The following SYNE1 variants were observed in gnomAD, a reference collection of about 807,000 sequenced individuals.
SYNE1 encodes nesprin-1.
SYNE1 carries 616 observed loss-of-function variants against 1,111.0 expected under a neutral mutation model. The observed-to-expected ratio is 0.55, with a 90% CI of 0.52 to 0.59. SYNE1 has a LOEUF of 0.59. SYNE1 is among the 20% of genes least tolerant of loss of function. The probability of loss-of-function intolerance (pLI) is 0.00; values close to 1 mark genes in which losing one functional copy is unlikely to be tolerated. For missense variants in SYNE1, 10,006 were observed against 10,417.0 expected, an observed-to-expected ratio of 0.96 and a Z score of 1.72; for synonymous variants, 3,855 against 3,825.8, an observed-to-expected ratio of 1.01 and a Z score of -0.28.
intron 98 of SYNE1, 60 bp downstream of exon 98, chr6:152,278,025 CTTAG>C: frequency 6.3e-7 from 1 of 1,586,446 alleles, no homozygotes; most frequent in Admixed American, 1.7e-5. Context: ...CCTGGCAAAC[CTTAG>C]AAGGAGCACG....
rs148598904 is a variant in SYNE1 at position 152,159,225 on chromosome 6, T to C, written c.23791-3128A>G. Among the ~76,000 whole-genome samples, 12 of 152,340 alleles carry C rather than the reference T, an allele frequency of 7.9e-5. 1 individual carries two copies. The East Asian group carries it at 2.3e-3, about 29-fold the overall frequency. ...TAAAATGTATCAAGCCCTGACTTTG[T>C]GTTAGGTAGGCACTGTGCTCAGTGC... On this transcript the variant is annotated intron_variant, in intron 131 of 145. Coordinates refer to ENST00000367255, the MANE Select transcript of SYNE1 (RefSeq NM_182961.4).
In SYNE1 at chr6:152,314,473, G is replaced by A. The variant is rs142821953; in HGVS notation, c.16710+2376C>T. Among the ~76,000 whole-genome samples, 723 of 152,180 alleles carry A rather than the reference G, an allele frequency of 4.8e-3. 5 individuals carry two copies. Among genetic ancestry groups the A allele is most frequent in the South Asian group, 6.6e-3 (32 of 4,820 alleles). ...CTTTCCTCTTAAACCCCTGGTGGGCGGTTGGGTTGAGCACACTCCTGTGGG... is the reference window on the plus strand; with the variant it reads ...CTTTCCTCTTAAACCCCTGGTGGGCAGTTGGGTTGAGCACACTCCTGTGGG... On this transcript the variant is annotated intron_variant, in intron 87 of 145. Transcript: ENST00000367255.
At chr6:152,467,972 C>T (rs1403944895) in intron 16 of SYNE1, among the ~76,000 whole-genome samples, 4 of 152,026 alleles carry the variant, frequency 2.6e-5, no homozygotes, top group African/African-American at 7.2e-5. Flanking sequence ...AATACAAATG[C>T]ATGTTTAAAA....
chr6:152,600,936 GAACA>G (rs1427065883), intron 3 of SYNE1, among the ~76,000 whole-genome samples: 2 of 152,198 alleles, frequency 1.3e-5, no homozygotes, highest in African/African-American at 2.4e-5. Flanking sequence ...GTGAAGGTCT[GAACA>G]AACAGTTTCA....
chr6:152,464,508 A>C (rs1338674518), intron 18 of SYNE1, among the ~76,000 whole-genome samples: 1 of 152,194 alleles, frequency 6.6e-6, no homozygotes, highest in Non-Finnish European at 1.5e-5. Context: ...TCTACATGAA[A>C]TATGGAATGG....
chr6:152,350,413 A>G, intron 71 of SYNE1, 78 bp from the exon 72 acceptor site: 11 of 1,595,236 alleles, frequency 6.9e-6, no homozygotes, highest in Non-Finnish European at 9.4e-6. Context: ...ACAAAAACCC[A>G]GTGCAACTCA....
In SYNE1 at chr6:152,189,379, G is replaced by A. The variant is rs1433789257; in HGVS notation, c.23174C>T (p.Thr7725Ile). The A allele has an allele frequency of 3.1e-6, 5 of 1,614,086 alleles. No homozygotes were observed. The highest frequency in any genetic ancestry group is 1.1e-5 in the South Asian group (1 of 91,082). ...KELENAVGSW[T>I]DDLTQLSLLK... The stretch of plus-strand genomic sequence containing the variant: ...CAGGCTCAACTGGGTCAAGTCATCT[G>A]TCCAGCTCCCAACTGCATTTTCTAA... The change falls in exon 128 of 146, where the codon ACA becomes ATA. Residue 7725 changes from threonine to isoleucine, a missense_variant. Around this residue, in one of 7 missense-constraint regions of SYNE1, gnomAD observed 2,182 missense variants for 2,287.8 expected, o/e 0.95. Coordinates refer to ENST00000367255, the MANE Select transcript of SYNE1 (RefSeq NM_182961.4).
intron 55 of SYNE1, among the ~76,000 whole-genome samples, chr6:152,384,204 G>A (rs1351685124): frequency 2.6e-5 from 4 of 152,152 alleles, no homozygotes; most frequent in Admixed American, 1.3e-4. Flanking sequence ...TGACAGACAC[G>A]GCTAGAAAGC....
chr6:152,255,776 C>A, intron 102 of SYNE1, 30 bp from the exon 103 acceptor site: 1 of 1,613,550 alleles, frequency 6.2e-7, no homozygotes, highest in South Asian at 1.1e-5. Context: ...GTCAAATAAT[C>A]AATTTCAGTG....
intron 3 of SYNE1, 124 bp downstream of exon 3, chr6:152,628,141 A>T (rs904803165): frequency 4.2e-5 from 43 of 1,025,354 alleles, no homozygotes; most frequent in Non-Finnish European, 6.3e-5. Flanking sequence ...CACTGGAATA[A>T]AGACATCCAT....
At position 152,526,188 on chromosome 6, in the gene SYNE1, A is replaced by G. The variant is rs2099162697; in HGVS notation, c.130-13T>C. 2 of 1,611,694 alleles carry G rather than the reference A, an allele frequency of 1.2e-6. No individual in the cohort carries two copies. Among genetic ancestry groups the G allele is most frequent in the Non-Finnish European group, 1.7e-6 (2 of 1,178,040 alleles). ...TTGGAGGTTTCCGCTGTAAAAGCAA[A>G]GAGGAATAAGTGCAGAAAATATCTC... On this transcript the variant is annotated splice_polypyrimidine_tract_variant and intron_variant, in intron 4 of 145. Coordinates refer to ENST00000367255, the MANE Select transcript of SYNE1 (RefSeq NM_182961.4).
chr6:152,158,557 A>C (rs1381736190), intron 131 of SYNE1, among the ~76,000 whole-genome samples: 1 of 152,224 alleles, frequency 6.6e-6, no homozygotes, highest in Non-Finnish European at 1.5e-5. Context: ...ATATTTGTAT[A>C]AACAGTCCTT....
intron 70 of SYNE1, among the ~76,000 whole-genome samples, chr6:152,351,320 G>T (rs2096736952): frequency 1.3e-5 from 2 of 152,206 alleles, no homozygotes; most frequent in Admixed American, 1.3e-4. Context: ...GATAGAAATA[G>T]ACATTGGCTG....
At chr6:152,367,851 G>T (rs73001353) in intron 61 of SYNE1, 16 of 195,642 alleles carry the variant, frequency 8.2e-5, no homozygotes, top group Non-Finnish European at 1.4e-4. Flanking sequence ...TCAATTATAG[G>T]TTATATCTAA....
Position 152,401,356 on chromosome 6 carries a change from A to T in SYNE1, c.6826-15T>A, listed in dbSNP as rs1315047901. ...GCTTCTATAAACTAAATATCAAGCA[A>T]GATTTCATCAATATCTCTGAAGACC... On this transcript the variant is annotated splice_polypyrimidine_tract_variant and intron_variant, in intron 46 of 145. Coordinates refer to ENST00000367255, the MANE Select transcript of SYNE1 (RefSeq NM_182961.4). The T allele has an allele frequency of 1.2e-6, 2 of 1,609,730 alleles. No homozygotes were observed. Among genetic ancestry groups the T allele is most frequent in the African/African-American group, 2.7e-5 (2 of 74,894 alleles).
At chr6:152,149,858 G>A (rs190606803) in intron 135 of SYNE1, among the ~76,000 whole-genome samples, 190 bp from the exon 136 acceptor site, 1 of 152,242 alleles carries the variant, frequency 6.6e-6, no homozygotes, top group African/African-American at 2.4e-5. Flanking sequence ...GCCAGAACAG[G>A]AGTCATAAAT....
Position 152,321,342 on chromosome 6 carries a change from C to T in SYNE1, c.16132G>A (p.Ala5378Thr). ...TNHRQNIEKMAEEQKEKYLGL... is the reference protein window; with the variant it reads ...TNHRQNIEKMTEEQKEKYLGL... ...AAGTACTTCTCCTTCTGTTCTTCTG[C>T]CATTTTTTCAATGTTCTGTCGGTGA... Residue 5378 changes from alanine to threonine, a missense_variant, in exon 84 of 146, where the codon GCA becomes ACA. By Grantham distance (58) the Ala-to-Thr change is moderately conservative. Transcript: ENST00000367255. 5.6e-6 allele frequency: 9 copies of T among 1,613,714 alleles called. No individual in the cohort carries two copies. The highest frequency in any genetic ancestry group is 7.6e-6 in the Non-Finnish European group (9 of 1,179,874).
At chr6:152,215,244 G>A (rs2078351314) in intron 121 of SYNE1, among the ~76,000 whole-genome samples, 184 bp from the exon 122 acceptor site, 1 of 152,186 alleles carries the variant, frequency 6.6e-6, no homozygotes, top group South Asian at 2.1e-4. Context: ...CTACTTTTCA[G>A]TCTAAACTGC....
chr6:152,162,191 T>C (rs1002083097), intron 131 of SYNE1, among the ~76,000 whole-genome samples: 5 of 152,186 alleles, frequency 3.3e-5, no homozygotes, highest in African/African-American at 1.2e-4. Flanking sequence ...GCAACTCAAC[T>C]TTCAGCTTCA....
Sources: allele counts gnomAD v4.1 joint callset (sites outside exome capture counted in the v4.1 genomes callset), GRCh38; gene constraint gnomAD v4.1.1; regional missense constraint gnomAD v4.1.1; transcripts MANE v1.5; gene names NCBI Gene and HGNC (gene_info 2026-07-23, HGNC 2026-07-21).